The following CLDN14 variants were observed in gnomAD, a reference collection of about 807,000 sequenced individuals.
CLDN14 encodes claudin-14.
A neutral mutation model predicts 2.1 loss-of-function variants in CLDN14; 2 were observed. The observed-to-expected ratio is 0.96, with a 90% CI of 0.39 to 3.01. The LOEUF is 3.01. Among genes scored for constraint, CLDN14 ranks in the 30% most tolerant of loss-of-function variants. The probability of loss-of-function intolerance (pLI) is 0.09; values close to 1 mark genes in which losing one functional copy is unlikely to be tolerated. For missense variants in CLDN14, 298 were observed against 328.0 expected, an observed-to-expected ratio of 0.91 and a Z score of 0.71; for synonymous variants, 136 against 154.4, an observed-to-expected ratio of 0.88 and a Z score of 0.88.
chr21:36,461,008 G>T lies in CLDN14; in HGVS notation c.688C>A (p.His230Asn), dbSNP rs1295521105. 1.2e-6 allele frequency: 2 copies of T among 1,613,166 alleles called. No individual in the cohort carries two copies. The highest frequency in any genetic ancestry group is 1.7e-6 in the Non-Finnish European group (2 of 1,179,964). The stretch of plus-strand genomic sequence containing the variant: ...TAGTCGTTCAGCCTGTACCCGCTGT[G>T]CGTGGCCGAGGTCACTGAGGGGGCC... Reference protein sequence around the residue: ...NRAPSVTSATHSGYRLNDYV With the variant: ...NRAPSVTSATNSGYRLNDYV Residue 230 changes from histidine to asparagine, a missense_variant, in exon 2 of 2, where the codon CAC becomes AAC. His to Asn is a moderately conservative substitution (Grantham distance 68). Coordinates refer to ENST00000399135, the MANE Select transcript of CLDN14 (RefSeq NM_001146079.2).
intron 1 of CLDN14, among the ~76,000 whole-genome samples, chr21:36,552,989 A>G (rs2087573291): frequency 6.6e-6 from 1 of 152,174 alleles, no homozygotes; most frequent in Non-Finnish European, 1.5e-5. Context: ...CTCACCTCTA[A>G]GTGGGATAAC....
Position 36,461,791 on chromosome 21 carries a change from G to A in CLDN14, c.-81-15C>T. 2.0e-6 allele frequency: 3 copies of A among 1,487,940 alleles called. No homozygotes were observed. Among genetic ancestry groups the A allele is most frequent in the Non-Finnish European group, 2.7e-6 (3 of 1,107,018 alleles). 92.2% of individuals were successfully genotyped at this position (1,487,940 alleles called of 1,614,324 possible). ...CAGCCGGAGCCCTAATGAAGCCAAG[G>A]GAGGCGGGAGCAGGGAGAGAAAGGA... On this transcript the variant is annotated splice_polypyrimidine_tract_variant and intron_variant, in intron 1 of 1. Transcript: ENST00000399135.
intron 1 of CLDN14, among the ~76,000 whole-genome samples, chr21:36,547,241 G>T (rs1467254798): frequency 6.6e-6 from 1 of 152,074 alleles, no homozygotes; most frequent in South Asian, 2.1e-4. Flanking sequence ...ACTAGTTGAC[G>T]GTGGTTGTCT....
intron 1 of CLDN14, among the ~76,000 whole-genome samples, chr21:36,541,096 T>C (rs1213743744): frequency 1.3e-5 from 2 of 152,168 alleles, no homozygotes; most frequent in East Asian, 3.8e-4. Context: ...AGGTTTCTGG[T>C]TTAAGCCAGT....
intron 2 of CLDN14, chr21:36,487,258 C>T (rs1395153254): frequency 1.4e-5 from 3 of 212,154 alleles, no homozygotes; most frequent in Non-Finnish European, 2.9e-5. Flanking sequence ...GCTGGGATTA[C>T]AGGCGTGAAC....
chr21:36,555,850 T>A (rs13050519), intron 1 of CLDN14, among the ~76,000 whole-genome samples: 90,986 of 139,950 alleles, frequency 0.65, 28,812 homozygotes, highest in Middle Eastern at 0.74. Context: ...TGTGTGTGTG[T>A]GAGAGAGAGA....
At chr21:36,483,339 A>T (rs934363967), upstream of CLDN14, among the ~76,000 whole-genome samples, 3 of 152,258 alleles carry the variant, frequency 2.0e-5, no homozygotes, top group African/African-American at 7.2e-5. Flanking sequence ...CGCAGCTCAC[A>T]GCCCTTGGGC....
chr21:36,554,316 G>C (rs2087583461), intron 1 of CLDN14, among the ~76,000 whole-genome samples: 1 of 152,180 alleles, frequency 6.6e-6, no homozygotes, highest in African/African-American at 2.4e-5. Flanking sequence ...AACTTTGATT[G>C]TTTCCTGCTG....
intron 2 of CLDN14, chr21:36,487,131 C>A (rs1601605294): frequency 4.9e-6 from 1 of 205,820 alleles, no homozygotes; most frequent in East Asian, 1.6e-4. Context: ...ACTACAGGCG[C>A]CTGCCACCAC....
intron 1 of CLDN14, among the ~76,000 whole-genome samples, chr21:36,547,569 G>C (rs771139695): frequency 6.6e-6 from 1 of 152,132 alleles, no homozygotes; most frequent in Admixed American, 6.5e-5. Flanking sequence ...AGAGGCGGCC[G>C]CTGCTCCCGG....
In CLDN14 at chr21:36,461,525, G is replaced by A. The variant is rs778842030; in HGVS notation, c.171C>T (p.His57=). Residue 57 remains histidine, a synonymous_variant, in exon 2 of 2, where the codon CAC becomes CAT. Coordinates refer to ENST00000399135, the MANE Select transcript of CLDN14 (RefSeq NM_001146079.2). ...TCTGGCACTGGTAGATGCCTGTGCT[G>A]TGCCACACACACTCCATCCAGAGCC... The part of the protein sequence containing the change: ...LKGLWMECVW[H]STGIYQCQIY... 6.8e-6 allele frequency: 11 copies of A among 1,613,294 alleles called. No individual in the cohort carries two copies. The Admixed American group carries it at 1.7e-4, about 24-fold the overall frequency.
chr21:36,491,406 C>T (rs1242041373), intron 2 of CLDN14, among the ~76,000 whole-genome samples: 1 of 152,110 alleles, frequency 6.6e-6, no homozygotes, highest in African/African-American at 2.4e-5. Context: ...AGCGAAACGG[C>T]GAGGAATGTA....
upstream of CLDN14, among the ~76,000 whole-genome samples, chr21:36,485,027 T>C (rs573403087): frequency 2.0e-5 from 3 of 146,434 alleles, no homozygotes; most frequent in African/African-American, 7.3e-5. Flanking sequence ...GGGCCAATTC[T>C]AATGGGCTCA....
At chr21:36,519,728 A>AACG in intron 1 of CLDN14, among the ~76,000 whole-genome samples, 1 of 99,974 alleles carries the variant, frequency 1.0e-5, no homozygotes, top group South Asian at 3.7e-4. Flanking sequence ...CAACAACAAC[A>AACG]ACAACAAAAC....
intron 1 of CLDN14, among the ~76,000 whole-genome samples, chr21:36,548,204 A>T (rs2087538337): frequency 6.6e-6 from 1 of 150,984 alleles, no homozygotes; most frequent in South Asian, 2.1e-4. Flanking sequence ...CTAGTAAGTC[A>T]ACCCCCCTCA....
intron 2 of CLDN14, among the ~76,000 whole-genome samples, chr21:36,488,565 C>T (rs59724458): frequency 0.037 from 5,468 of 149,532 alleles, 329 homozygotes; most frequent in East Asian, 0.29. Context: ...CCACCGCGCC[C>T]GGCCTGTGAT....
At chr21:36,521,450 G>T (rs917522901) in intron 1 of CLDN14, among the ~76,000 whole-genome samples, 5 of 152,222 alleles carry the variant, frequency 3.3e-5, no homozygotes, top group Non-Finnish European at 1.5e-5. Flanking sequence ...ATTGAGTTAA[G>T]AAATATAGCT....
At chr21:36,555,151 A>G (rs947290152) in intron 1 of CLDN14, among the ~76,000 whole-genome samples, 5 of 152,220 alleles carry the variant, frequency 3.3e-5, no homozygotes, top group African/African-American at 4.8e-5. Context: ...GGCTTTGAAG[A>G]GGCTTGCTGT....
intron 2 of CLDN14, among the ~76,000 whole-genome samples, chr21:36,506,522 G>C (rs1398292981): frequency 2.0e-5 from 3 of 151,906 alleles, no homozygotes; most frequent in African/African-American, 7.3e-5. Flanking sequence ...GTTTGAACCG[G>C]GGGGGCGGAG....
Sources: gnomAD v4.1 joint callset for allele counts (sites outside exome capture counted in the v4.1 genomes callset) on GRCh38, gnomAD v4.1.1 for gene constraint, MANE v1.5 for transcripts, NCBI Gene and HGNC (gene_info 2026-07-23, HGNC 2026-07-21) for gene names.